Variants in THRA observed in about 807,000 individuals in gnomAD.
The protein encoded by THRA is thyroid hormone receptor alpha.
THRA carries 13 observed loss-of-function variants against 45.0 expected under a neutral mutation model. The ratio of observed to expected loss-of-function variants is 0.29; its 90% CI spans 0.19 to 0.46. The LOEUF is 0.46. Among genes scored for constraint, THRA ranks in the 20% least tolerant of loss-of-function variants. The pLI, the probability that THRA is intolerant of heterozygous loss-of-function variation, is 1.00. For synonymous variants in THRA, 195 were observed against 214.0 expected, an observed-to-expected ratio of 0.91 and a Z score of 0.78; for missense variants, 278 against 556.1, an observed-to-expected ratio of 0.50 and a Z score of 5.03.
chr17:40,087,717 G>C (rs1466437387), intron 7 of THRA, among the ~76,000 whole-genome samples: 1 of 152,206 alleles, frequency 6.6e-6, no homozygotes, highest in African/African-American at 2.4e-5. Flanking sequence ...GTTCCCATCT[G>C]GAGTGGGCTG....
In THRA at chr17:40,080,268, G is replaced by A. The variant is rs183065822; in HGVS notation, c.222+2660G>A. Among the ~76,000 whole-genome samples, 267 of 152,070 alleles carry A rather than the reference G, an allele frequency of 1.8e-3. 2 individuals carry two copies. Among genetic ancestry groups the A allele is most frequent in the Admixed American group, 0.016 (238 of 15,258 alleles). On this transcript the variant is annotated intron_variant, in intron 4 of 8. Coordinates refer to ENST00000450525, the MANE Select transcript of THRA (RefSeq NM_199334.5). ...ATTTTTAAAGTAGCCAGGCATGGTGGTGCACACACACCTGTGGTCCCAGCT... is the reference window on the plus strand; with the variant it reads ...ATTTTTAAAGTAGCCAGGCATGGTGATGCACACACACCTGTGGTCCCAGCT...
chr17:40,084,117 G>A (rs1598395954), intron 5 of THRA, 135 bp downstream of exon 5: 3 of 1,111,636 alleles, frequency 2.7e-6, no homozygotes, highest in Non-Finnish European at 2.5e-6. Context: ...AGAATGTTCA[G>A]TGTCTTGGTC....
At chr17:40,086,962 TG>T in intron 7 of THRA, 109 bp downstream of exon 7, 2 of 1,469,592 alleles carry the variant, frequency 1.4e-6, no homozygotes, top group Non-Finnish European at 1.9e-6. Flanking sequence ...GAGCAATTCC[TG>T]TAGGTCAACA....
chr17:40,093,641 C>G, downstream of THRA: 5 of 665,656 alleles, frequency 7.5e-6, no homozygotes, highest in Non-Finnish European at 1.3e-5. The surrounding 1 kb of genome is among the most constrained non-coding windows in gnomAD (Gnocchi z 5.9). Flanking sequence ...TCCTTTGAGG[C>G]CCCAACTCAA....
intron 1 of THRA, among the ~76,000 whole-genome samples, chr17:40,071,486 C>A (rs1211515114): frequency 6.6e-6 from 1 of 152,216 alleles, no homozygotes; most frequent in East Asian, 1.9e-4. Flanking sequence ...GGGCACTTTG[C>A]CTACACTGCC....
In THRA at chr17:40,091,196, C is replaced by T. The variant is rs1482205863; in HGVS notation, c.*1740C>T. Reference sequence around the variant, plus strand: ...ATGTCTTAAGCAGTGGGGAACCTGCCACCCCACCCTGACCCTCAGCCTGCC... The same window carrying T: ...ATGTCTTAAGCAGTGGGGAACCTGCTACCCCACCCTGACCCTCAGCCTGCC... On this transcript the variant is annotated 3_prime_UTR_variant, in exon 9 of 9. Coordinates refer to ENST00000450525, the MANE Select transcript of THRA (RefSeq NM_199334.5). The T allele has an allele frequency of 6.5e-6, 1 of 153,364 alleles. No homozygotes were observed. The highest frequency in any genetic ancestry group is 1.4e-5 in the Non-Finnish European group (1 of 69,308). The allele number at this position is 153,364 out of a possible 1,614,324, so 9.5% of individuals were successfully genotyped here.
chr17:40,068,456 G>T (rs758303479), intron 1 of THRA, among the ~76,000 whole-genome samples: 2 of 152,238 alleles, frequency 1.3e-5, no homozygotes, highest in East Asian at 3.8e-4. Flanking sequence ...GGTGTGTGGT[G>T]GGGGCACATG....
chr17:40,085,214 G>C (rs912655995), intron 6 of THRA, among the ~76,000 whole-genome samples: 1 of 152,164 alleles, frequency 6.6e-6, no homozygotes, highest in Admixed American at 6.5e-5. Flanking sequence ...GATGAGTTTG[G>C]GACCAGGTGC....
At chr17:40,076,554 C>A (rs1054632420) in intron 2 of THRA, among the ~76,000 whole-genome samples, 1 of 152,114 alleles carries the variant, frequency 6.6e-6, no homozygotes, top group Non-Finnish European at 1.5e-5. Flanking sequence ...AGAATTCTTC[C>A]AGCGTATTCG....
chr17:40,078,959 T>A (rs139412895), intron 4 of THRA, among the ~76,000 whole-genome samples: 2,756 of 152,244 alleles, frequency 0.018, 30 homozygotes, highest in Non-Finnish European at 0.029. Context: ...CTTGATCTCT[T>A]GACCTCGTGA....
intron 2 of THRA, among the ~76,000 whole-genome samples, chr17:40,075,418 C>T (rs932583144): frequency 2.0e-5 from 3 of 152,182 alleles, no homozygotes; most frequent in Non-Finnish European, 2.9e-5. Context: ...ACAACTGGGT[C>T]CCTGGAGGGT....
chr17:40,093,809 G>A, downstream of THRA: 2 of 1,000,660 alleles, frequency 2.0e-6, no homozygotes, highest in Non-Finnish European at 3.0e-6. The surrounding 1 kb of genome is among the most constrained non-coding windows in gnomAD (Gnocchi z 5.9). Flanking sequence ...TGTATCCCCA[G>A]TGCCCGGTGC....
Position 40,074,431 on chromosome 17 carries a change from G to A in THRA, c.-58G>A. ...GCCTGTGGGTGTGCCGGGGGGGCCAGTGTGCCCACCCCAGTCTCTTGGCGT... is the reference window on the plus strand; with the variant it reads ...GCCTGTGGGTGTGCCGGGGGGGCCAATGTGCCCACCCCAGTCTCTTGGCGT... On this transcript the variant is annotated 5_prime_UTR_variant, in exon 2 of 9. In the 5' UTR this introduces an upstream ATG that the reference lacks. Transcript: ENST00000450525. The A allele has an allele frequency of 6.2e-7, 1 of 1,600,640 alleles. No individual in the cohort carries two copies. Among genetic ancestry groups the A allele is most frequent in the Non-Finnish European group, 8.6e-7 (1 of 1,168,542 alleles).
chr17:40,081,406 GC>G, intron 4 of THRA, among the ~76,000 whole-genome samples: 1 of 152,084 alleles, frequency 6.6e-6, no homozygotes. Flanking sequence ...GATTATAGGT[GC>G]ACGCCACAAC....
chr17:40,092,889 G>A lies in THRA; in HGVS notation c.*3433G>A. ...ACAGAGTGGTTTAAATAGGGGAGGA[G>A]GGGAAGTTCGGTGATGGGGGAGGGA... is the stretch of plus-strand genomic sequence containing the variant. On this transcript the variant is annotated 3_prime_UTR_variant, in exon 9 of 9. Transcript: ENST00000450525. The A allele has an allele frequency of 1.5e-6, 2 of 1,332,100 alleles. No individual in the cohort carries two copies. Among genetic ancestry groups the A allele is most frequent in the South Asian group, 1.5e-5 (1 of 65,998 alleles). The allele number at this position is 1,332,100 out of a possible 1,614,324, so 82.5% of individuals were successfully genotyped here.
At chr17:40,088,947 C>T (rs1987431269) in intron 8 of THRA, among the ~76,000 whole-genome samples, 1 of 149,976 alleles carries the variant, frequency 6.7e-6, no homozygotes, top group Non-Finnish European at 1.5e-5. Flanking sequence ...CTCCCCCAGC[C>T]CCCGGCCTGT....
chr17:40,086,598 C>A, intron 6 of THRA, 109 bp from the exon 7 acceptor site: 1 of 1,390,530 alleles, frequency 7.2e-7, no homozygotes, highest in Non-Finnish European at 9.7e-7. Flanking sequence ...CAGGCACGGG[C>A]GGCCCCTCTT....
chr17:40,080,548 TACAA>T (rs1229816518), intron 4 of THRA, among the ~76,000 whole-genome samples: 1 of 151,874 alleles, frequency 6.6e-6, no homozygotes, highest in Non-Finnish European at 1.5e-5. Flanking sequence ...CTGGAAGCAA[TACAA>T]ACAGTGTAGC....
chr17:40,089,746 C>G lies in THRA; in HGVS notation c.*290C>G. 7.9e-7 allele frequency: 1 copy of G among 1,264,548 alleles called. No homozygotes were observed. Among genetic ancestry groups the G allele is most frequent in the Non-Finnish European group, 1.0e-6 (1 of 995,534 alleles). The allele number at this position is 1,264,548 out of a possible 1,614,324, so 78.3% of individuals were successfully genotyped here. On this transcript the variant is annotated 3_prime_UTR_variant, in exon 9 of 9. Coordinates refer to ENST00000450525, the MANE Select transcript of THRA (RefSeq NM_199334.5). The surrounding 1 kb of genome is among the most constrained non-coding windows in gnomAD (Gnocchi z 6.1). ...ATCCTCTCAGAAGGTAGGGGAAGGG[C>G]GGGAGGATTGAGAAGGGACAAGCCA...
Sources: gnomAD v4.1 joint callset for allele counts (sites outside exome capture counted in the v4.1 genomes callset) on GRCh38, gnomAD v4.1.1 for gene constraint, Gnocchi (gnomAD v3.1) non-coding constraint, MANE v1.5 for transcripts, NCBI Gene and HGNC (gene_info 2026-07-23, HGNC 2026-07-21) for gene names.